PPARA: variants seen among roughly 807,000 people sequenced by gnomAD.
PPARA encodes peroxisome proliferator activated receptor alpha.
Under a neutral mutation model 42.2 loss-of-function variants are expected in PPARA, and 22 were observed. The observed-to-expected ratio is 0.52, with a 90% CI of 0.37 to 0.74. The LOEUF (loss-of-function observed/expected upper bound fraction) is 0.74. PPARA is among the 30% of genes least tolerant of loss of function. The pLI, the probability that PPARA is intolerant of heterozygous loss-of-function variation, is 0.00. For missense variants in PPARA, 465 were observed against 608.2 expected, an observed-to-expected ratio of 0.76 and a Z score of 2.48; for synonymous variants, 242 against 239.3, an observed-to-expected ratio of 1.01 and a Z score of -0.10.
At chr22:46,218,526 C>T in intron 6 of PPARA, 125 bp downstream of exon 6, 1 of 1,492,784 alleles carries the variant, frequency 6.7e-7, no homozygotes, top group Non-Finnish European at 9.3e-7. Flanking sequence ...ATTTTGTAAT[C>T]AGAGTGGCCT....
chr22:46,152,592 G>A (rs1481493811), intron 2 of PPARA, among the ~76,000 whole-genome samples: 2 of 152,160 alleles, frequency 1.3e-5, no homozygotes, highest in Non-Finnish European at 2.9e-5. Flanking sequence ...GACTGGTACC[G>A]AGTAGTGTAC....
chr22:46,197,242 G>A (rs1426553394), intron 3 of PPARA, among the ~76,000 whole-genome samples: 1 of 151,532 alleles, frequency 6.6e-6, no homozygotes, highest in African/African-American at 2.4e-5. Flanking sequence ...TAGAGATGGG[G>A]TTTTGCCATG....
At position 46,198,391 on chromosome 22, in the gene PPARA, A is replaced by G. The variant is rs1047831029; in HGVS notation, c.8A>G (p.Asp3Gly). Residue 3 changes from aspartate (D) to glycine (G), a missense_variant, in exon 4 of 9, where the codon GAC becomes GGC. Physicochemically the swap from Asp to Gly is moderately conservative, Grantham distance 94. Coordinates refer to ENST00000407236, the MANE Select transcript of PPARA (RefSeq NM_005036.6). ...CAGCACCATCTGGTCGCGATGGTGGACACGGAAAGCCCACTCTGCCCCCTC... is the reference window on the plus strand; with the variant it reads ...CAGCACCATCTGGTCGCGATGGTGGGCACGGAAAGCCCACTCTGCCCCCTC... MVDTESPLCPLSP... is the reference protein window; with the variant it reads MVGTESPLCPLSP... 45 of 1,613,728 alleles carry G rather than the reference A, an allele frequency of 2.8e-5. No individual in the cohort carries two copies. Among genetic ancestry groups the G allele is most frequent in the Non-Finnish European group, 3.6e-5 (43 of 1,179,888 alleles).
At chr22:46,172,824 G>C (rs558928314) in intron 2 of PPARA, among the ~76,000 whole-genome samples, 154 of 152,206 alleles carry the variant, frequency 1.0e-3, no homozygotes, top group African/African-American at 3.7e-3. Context: ...AGGAAGCCTC[G>C]TTGCTTTGAC....
In PPARA at chr22:46,200,702, G is replaced by A. The variant is rs563504799; in HGVS notation, c.208+2111G>A. ...AGGCTGAGGCAGGCGGATCACCCGA[G>A]GTCAGGAGTTCAAGACCAGTCTGGC... On this transcript the variant is annotated intron_variant, in intron 4 of 8. Transcript: ENST00000407236. This position sits in a 1 kb window ranked among gnomAD's most constrained non-coding sequence, Gnocchi z 4.8. Among the ~76,000 whole-genome samples, 2 of 152,256 alleles carry A rather than the reference G, an allele frequency of 1.3e-5. No homozygotes were observed. The highest frequency in any genetic ancestry group is 2.9e-5 in the Non-Finnish European group (2 of 68,024).
At position 46,185,948 on chromosome 22, in the gene PPARA, TATATATATATATATATAC is replaced by T. The variant is rs1488247493; in HGVS notation, c.-43+9114_-43+9131del. Among the ~76,000 whole-genome samples the T allele has an allele frequency of 9.2e-3, 498 of 54,370 alleles. 45 individuals carry two copies. Among genetic ancestry groups the T allele is most frequent in the Non-Finnish European group, 0.012 (326 of 27,716 alleles). 35.7% of individuals were successfully genotyped at this position (54,370 alleles called of 152,430 possible). A position where few individuals can be genotyped will look rare whatever the true frequency, so the allele number is the denominator to read the frequency against. ...ATATATATATATATATATATATATA[TATATATATATATATATAC>T]ACACACACTAACCTTCAGCATATAG... On this transcript the variant is annotated intron_variant, in intron 3 of 8. Transcript: ENST00000407236.
At chr22:46,166,028 CTTAG>C (rs1192525127) in intron 2 of PPARA, among the ~76,000 whole-genome samples, 4 of 152,020 alleles carry the variant, frequency 2.6e-5, no homozygotes, top group African/African-American at 4.8e-5. Context: ...ATTATCACTG[CTTAG>C]TTAAATTATA....
At position 46,162,696 on chromosome 22, in the gene PPARA, C is replaced by G. The variant is rs907322937; in HGVS notation, c.-127+10726C>G. ...TTGCTGGTAGGTGCTTCAGGACTGG[C>G]TCTGGGAGCCTGTGGCTCCTGCCGG... On this transcript the variant is annotated intron_variant, in intron 2 of 8. Transcript: ENST00000407236. The surrounding 1 kb of genome is among the most constrained non-coding windows in gnomAD (Gnocchi z 6.0). Among the ~76,000 whole-genome samples the G allele has an allele frequency of 2.0e-5, 3 of 152,176 alleles. No homozygotes were observed. Among genetic ancestry groups the G allele is most frequent in the Non-Finnish European group, 4.4e-5 (3 of 68,030 alleles).
At chr22:46,201,229 T>C (rs1932821376) in intron 4 of PPARA, among the ~76,000 whole-genome samples, 2 of 152,046 alleles carry the variant, frequency 1.3e-5, no homozygotes, top group South Asian at 4.1e-4. Flanking sequence ...AGAGGGCTAT[T>C]CTCTGCATGC....
chr22:46,199,400 A>T (rs1932753261), intron 4 of PPARA, among the ~76,000 whole-genome samples: 1 of 152,204 alleles, frequency 6.6e-6, no homozygotes, highest in Non-Finnish European at 1.5e-5. Flanking sequence ...TGGAAGGCCG[A>T]GGCAAGTGGA....
In PPARA at chr22:46,242,351, C is replaced by T. The variant is rs989607870; in HGVS notation, c.*6971C>T. ...CTGGCCGATCATTTCACAATAAAATCACTCACTTTTGGCAACTTCACTTTT... is the reference window on the plus strand; with the variant it reads ...CTGGCCGATCATTTCACAATAAAATTACTCACTTTTGGCAACTTCACTTTT... On this transcript the variant is annotated 3_prime_UTR_variant, in exon 9 of 9. Coordinates refer to ENST00000407236, the MANE Select transcript of PPARA (RefSeq NM_005036.6). This position sits in a 1 kb window ranked among gnomAD's most constrained non-coding sequence, Gnocchi z 6.1. 1.3e-5 allele frequency: 2 copies of T among 152,636 alleles called. No individual in the cohort carries two copies. Among genetic ancestry groups the T allele is most frequent in the Non-Finnish European group, 2.9e-5 (2 of 68,032 alleles). 9.5% of individuals were successfully genotyped at this position (152,636 alleles called of 1,614,324 possible).
chr22:46,208,684 A>C (rs981042297), intron 4 of PPARA, among the ~76,000 whole-genome samples: 2 of 152,046 alleles, frequency 1.3e-5, no homozygotes, highest in Non-Finnish European at 2.9e-5. Flanking sequence ...TTTCCTTTTG[A>C]CCAACATCTC....
At position 46,191,107 on chromosome 22, in the gene PPARA, C is replaced by T. The variant is rs376857669; in HGVS notation, c.-42-7235C>T. Among the ~76,000 whole-genome samples the T allele has an allele frequency of 3.2e-4, 49 of 152,172 alleles. No individual in the cohort carries two copies. Among genetic ancestry groups the T allele is most frequent in the African/African-American group, 1.1e-3 (46 of 41,522 alleles). On this transcript the variant is annotated intron_variant, in intron 3 of 8. Transcript: ENST00000407236. This position sits in a 1 kb window ranked among gnomAD's most constrained non-coding sequence, Gnocchi z 4.6. ...ACTCAGGAGGCTGAGGCACGAGAAT[C>T]GCTTGAACCCGGGAGGCGTGGGGTT...
chr22:46,206,223 T>G (rs1933288074), intron 4 of PPARA, among the ~76,000 whole-genome samples: 1 of 152,156 alleles, frequency 6.6e-6, no homozygotes, highest in Non-Finnish European at 1.5e-5. Flanking sequence ...TGCCTCATCC[T>G]CCTGAGTAGC....
rs1216178898 is a variant in PPARA, at chr22:46,225,555, A to G, written c.711+5541A>G. Among the ~76,000 whole-genome samples, 1 of 152,036 alleles carries G rather than the reference A, an allele frequency of 6.6e-6. No homozygotes were observed. ...TCCGTGCACACACGGGTACACACACATACACGTGCACCCACATGCATGCTC... is the reference window on the plus strand; with the variant it reads ...TCCGTGCACACACGGGTACACACACGTACACGTGCACCCACATGCATGCTC... On this transcript the variant is annotated intron_variant, in intron 7 of 8. Coordinates refer to ENST00000407236, the MANE Select transcript of PPARA (RefSeq NM_005036.6). The surrounding 1 kb of genome is among the most constrained non-coding windows in gnomAD (Gnocchi z 4.1).
intron 5 of PPARA, among the ~76,000 whole-genome samples, chr22:46,218,051 G>A (rs1032293230): frequency 5.9e-5 from 9 of 151,614 alleles, no homozygotes; most frequent in East Asian, 1.9e-4. Context: ...GGCTGGTCTC[G>A]AACTCCTGAC....
intron 2 of PPARA, among the ~76,000 whole-genome samples, chr22:46,172,594 G>A (rs1027971627): frequency 1.3e-5 from 2 of 152,136 alleles, no homozygotes; most frequent in South Asian, 2.1e-4. Flanking sequence ...TTGCAGCCTC[G>A]GTGAGAGAGC....
chr22:46,215,470 T>G, intron 5 of PPARA, 137 bp downstream of exon 5: 5 of 1,131,266 alleles, frequency 4.4e-6, no homozygotes, highest in Non-Finnish European at 6.4e-6. Context: ...AGGCGCGGTA[T>G]CTCATGCCTA....
chr22:46,235,149 A>G lies in PPARA; in HGVS notation c.1176A>G (p.Leu392=). The part of the protein sequence containing the change: ...IICCGDRPGL[L]NVGHIEKMQE... ...CGAGACTAGATCGTCCTGGCCTTCT[A>G]AACGTAGGACACATTGAAAAAATGC... The change falls in exon 9 of 9, where the codon CTA becomes CTG. Residue 392 remains leucine, a synonymous_variant. Coordinates refer to ENST00000407236, the MANE Select transcript of PPARA (RefSeq NM_005036.6). The surrounding 1 kb of genome is among the most constrained non-coding windows in gnomAD (Gnocchi z 7.0). The G allele has an allele frequency of 1.9e-6, 3 of 1,614,050 alleles. No individual in the cohort carries two copies. Among genetic ancestry groups the G allele is most frequent in the Non-Finnish European group, 2.5e-6 (3 of 1,179,920 alleles).
Sources: allele counts gnomAD v4.1 joint callset (sites outside exome capture counted in the v4.1 genomes callset), GRCh38; gene constraint gnomAD v4.1.1; non-coding constraint Gnocchi (gnomAD v3.1); transcripts MANE v1.5; gene names NCBI Gene and HGNC (gene_info 2026-07-23, HGNC 2026-07-21).